Variants in CSGALNACT1 observed in about 807,000 individuals in gnomAD.
The protein encoded by CSGALNACT1 is beta4GalNAcT-1.
In CSGALNACT1, 52 loss-of-function variants were observed where a neutral mutation model predicts 51.0. That is an observed-to-expected ratio of 1.02 (90% CI 0.82 to 1.29). The LOEUF (loss-of-function observed/expected upper bound fraction) is 1.29. CSGALNACT1 is among the 50% of genes most tolerant of loss of function. The pLI is 0.00. For synonymous variants in CSGALNACT1, 341 were observed against 254.4 expected (o/e 1.34, Z -3.24); for missense variants, 935 against 679.2 (o/e 1.38, Z -4.19).
chr8:19,719,474 G>A (rs943054961), intron 1 of CSGALNACT1, among the ~76,000 whole-genome samples: 1 of 152,062 alleles, frequency 6.6e-6, no homozygotes, highest in Non-Finnish European at 1.5e-5. Flanking sequence ...CAGAACCTGG[G>A]TACATTAAAC....
intron 1 of CSGALNACT1, among the ~76,000 whole-genome samples, chr8:19,620,363 A>C (rs1454209762): frequency 6.6e-6 from 1 of 151,502 alleles, no homozygotes; most frequent in Non-Finnish European, 1.5e-5. Flanking sequence ...TGTCTGACCT[A>C]CAACGAGTAC....
Position 19,439,802 on chromosome 8 carries a change from C to A in CSGALNACT1, c.953+28G>T, listed in dbSNP as rs755433281. ...GCTTCTGAGCTCAGTTACCAGGATT[C>A]CTTATGACAGCTCCGTATTGTACTC... is the stretch of plus-strand genomic sequence containing the variant. On this transcript the variant is annotated intron_variant, in intron 6 of 9. Coordinates refer to ENST00000454498, the Ensembl canonical transcript of CSGALNACT1. 7 of 1,560,736 alleles carry A rather than the reference C, an allele frequency of 4.5e-6. No individual in the cohort carries two copies. In the Admixed American group the frequency reaches 1.2e-4, roughly 26 times the overall value.
At chr8:19,682,839 G>A, upstream of CSGALNACT1, 1 of 419,350 alleles carries the variant, frequency 2.4e-6, no homozygotes. Flanking sequence ...CTGCAATCAG[G>A]GCCAGGACAC....
chr8:19,724,255 C>T (rs2063278309), intron 1 of CSGALNACT1, among the ~76,000 whole-genome samples: 2 of 152,334 alleles, frequency 1.3e-5, no homozygotes, highest in African/African-American at 2.4e-5. Flanking sequence ...GTCCAAAATG[C>T]ATCTCACTGG....
At chr8:19,577,276 T>A (rs933087782) in intron 3 of CSGALNACT1, among the ~76,000 whole-genome samples, 5 of 151,906 alleles carry the variant, frequency 3.3e-5, no homozygotes, top group Admixed American at 1.3e-4. Context: ...AAAATCTCAA[T>A]TAGTAGCCAG....
chr8:19,621,161 A>G (rs532024766), intron 1 of CSGALNACT1, among the ~76,000 whole-genome samples: 2 of 152,316 alleles, frequency 1.3e-5, no homozygotes, highest in Middle Eastern at 3.4e-3. Context: ...TTTAATTTTC[A>G]TTCTAGGATT....
intron 6 of CSGALNACT1, among the ~76,000 whole-genome samples, chr8:19,429,803 A>G (rs536273755): frequency 2.0e-5 from 3 of 152,332 alleles, no homozygotes; most frequent in Admixed American, 2.0e-4. Context: ...GAACTGCCAC[A>G]CTGTTTTCCA....
intron 1 of CSGALNACT1, among the ~76,000 whole-genome samples, chr8:19,667,040 G>GAAAAAAA (rs1554795061): frequency 2.9e-5 from 1 of 34,970 alleles, no homozygotes; most frequent in African/African-American, 1.5e-4. Context: ...AGGAAGGAAG[G>GAAAAAAA]AAGAAAGAAA....
At chr8:19,707,711 A>T (rs1390427409) in intron 1 of CSGALNACT1, among the ~76,000 whole-genome samples, 1 of 152,078 alleles carries the variant, frequency 6.6e-6, no homozygotes, top group Non-Finnish European at 1.5e-5. Flanking sequence ...AAACTATATT[A>T]GCTATAAGGC....
chr8:19,620,819 G>C (rs1484352587), intron 1 of CSGALNACT1, among the ~76,000 whole-genome samples: 1 of 152,076 alleles, frequency 6.6e-6, no homozygotes, highest in African/African-American at 2.4e-5. Context: ...TTAACACTCT[G>C]GTATGTAGCC....
intron 1 of CSGALNACT1, among the ~76,000 whole-genome samples, chr8:19,620,188 GCC>G (rs1421335821): frequency 5.4e-4 from 82 of 151,866 alleles, no homozygotes; most frequent in African/African-American, 1.9e-3. Context: ...TGAGGTACAT[GCC>G]TGTAAACCCA....
At chr8:19,527,047 A>G (rs904746577) in intron 3 of CSGALNACT1, among the ~76,000 whole-genome samples, 1 of 152,182 alleles carries the variant, frequency 6.6e-6, no homozygotes, top group Admixed American at 6.5e-5. Context: ...CCTATATACT[A>G]TGTAGCTAAA....
At chr8:19,715,559 T>C (rs1275701007) in intron 1 of CSGALNACT1, among the ~76,000 whole-genome samples, 1 of 152,276 alleles carries the variant, frequency 6.6e-6, no homozygotes, top group Non-Finnish European at 1.5e-5. Flanking sequence ...TTCCATGTCT[T>C]TGCTGTTGTA....
In CSGALNACT1 at chr8:19,515,716, A is replaced by AT. The variant is rs143439993; in HGVS notation, c.-296-9587dup. On this transcript the variant is annotated intron_variant, in intron 3 of 9. Transcript: ENST00000454498. Reference sequence around the variant, plus strand: ...AGGTCAAGAAACAGACTCAAGTCCTATTTTTTTTTTATTTTGATTTTTAAT... The same window carrying AT: ...AGGTCAAGAAACAGACTCAAGTCCTATTTTTTTTTTTATTTTGATTTTTAAT... Among the ~76,000 whole-genome samples the AT allele has an allele frequency of 2.3e-3, 342 of 150,010 alleles. 9 individuals are homozygous for AT. The South Asian group carries it at 0.047, about 20-fold the overall frequency.
chr8:19,726,510 T>C (rs528199713), intron 1 of CSGALNACT1, among the ~76,000 whole-genome samples: 1 of 152,210 alleles, frequency 6.6e-6, no homozygotes, highest in African/African-American at 2.4e-5. Flanking sequence ...TTTTGATACA[T>C]GAATATATTG....
upstream of CSGALNACT1, among the ~76,000 whole-genome samples, chr8:19,684,246 A>T (rs2060840321): frequency 6.6e-6 from 1 of 152,160 alleles, no homozygotes; most frequent in Admixed American, 6.6e-5. Context: ...GAGAACAGAA[A>T]ATCCTGAAAC....
intron 1 of CSGALNACT1, among the ~76,000 whole-genome samples, chr8:19,607,719 A>C (rs1304974787): frequency 6.6e-6 from 1 of 152,148 alleles, no homozygotes; most frequent in Non-Finnish European, 1.5e-5. Context: ...TTACATCTTA[A>C]ATGAGTTACT....
intron 1 of CSGALNACT1, among the ~76,000 whole-genome samples, chr8:19,648,746 A>G (rs890729964): frequency 2.0e-4 from 31 of 152,192 alleles, no homozygotes; most frequent in African/African-American, 7.5e-4. Context: ...CTGAGGGTAT[A>G]GTGAGCCATG....
chr8:19,639,475 T>G (rs1464028234), intron 1 of CSGALNACT1, among the ~76,000 whole-genome samples: 1 of 152,214 alleles, frequency 6.6e-6, no homozygotes. Context: ...AAATCTACTG[T>G]ATCACATGTG....
Sources: gnomAD v4.1 joint callset for allele counts (sites outside exome capture counted in the v4.1 genomes callset) on GRCh38, gnomAD v4.1.1 for gene constraint, MANE v1.5 for transcripts, NCBI Gene and HGNC (gene_info 2026-07-23, HGNC 2026-07-21) for gene names.